The following RPAP3 variants were observed in gnomAD, a reference collection of about 807,000 sequenced individuals.
RPAP3 encodes RNA polymerase II associated protein 3.
In RPAP3, 58 loss-of-function variants were observed where a neutral mutation model predicts 88.8. The observed-to-expected ratio is 0.65, with a 90% CI of 0.53 to 0.81. The LOEUF (loss-of-function observed/expected upper bound fraction) is 0.81. Ranked by LOEUF, RPAP3 falls within the 40% of genes least tolerant of loss-of-function variation. RPAP3 has a pLI of 0.00. For missense variants in RPAP3, 751 were observed against 764.3 expected (o/e 0.98, Z 0.20); for synonymous variants, 255 against 259.9 (o/e 0.98, Z 0.18).
chr12:47,697,488 C>T, intron 4 of RPAP3, 109 bp downstream of exon 4: 1 of 1,031,308 alleles, frequency 9.7e-7, no homozygotes, highest in Non-Finnish European at 1.4e-6. Flanking sequence ...CCAAAAACAA[C>T]ATAAAGTTTA....
chr12:47,668,087 T>G (rs1175579233), intron 14 of RPAP3, among the ~76,000 whole-genome samples: 1 of 152,212 alleles, frequency 6.6e-6, no homozygotes, highest in African/African-American at 2.4e-5. Flanking sequence ...TCCCAGCTAC[T>G]CGGAGACTGA....
At chr12:47,690,398 A>T in intron 6 of RPAP3, 120 bp downstream of exon 6, 2 of 753,640 alleles carry the variant, frequency 2.7e-6, no homozygotes. Flanking sequence ...TGCAAAAATG[A>T]CCTTTGTTCA....
chr12:47,676,891 T>G (rs956983523), intron 12 of RPAP3, among the ~76,000 whole-genome samples: 1 of 152,196 alleles, frequency 6.6e-6, no homozygotes. Context: ...ACTCATTTTA[T>G]GAGGCCAGCA....
In RPAP3 at chr12:47,701,622, A is replaced by C. The variant is rs763992748; in HGVS notation, c.154-18T>G. The C allele has an allele frequency of 1.9e-6, 3 of 1,563,024 alleles. No homozygotes were observed. The Admixed American group carries it at 6.0e-5, about 31-fold the overall frequency. ...GGTAAATTCTAAGGAGGGAAAAAAA[A>C]ACACAAAGTTGTGAGTATTATGCTC... On this transcript the variant is annotated intron_variant, in intron 2 of 16. Transcript: ENST00000005386.
Position 47,666,981 on chromosome 12 carries a change from CT to C in RPAP3, c.1910del (p.Lys637ArgfsTer10). On this transcript the variant is annotated frameshift_variant and splice_region_variant, in exon 16 of 17. Transcript: ENST00000005386. LOFTEE classifies it high-confidence loss of function. ...TGGGAAAACTTTCATAGAACTTACTCTTTTTCTCTGTTTCTGACATAAACAT... is the reference window on the plus strand; with the variant it reads ...TGGGAAAACTTTCATAGAACTTACTCTTTTCTCTGTTTCTGACATAAACAT... Reference protein sequence around the residue: ...AVMFMSETEKKIARALFNHID... With the variant: ...AVMFMSETEKXIARALFNHID... 1 of 1,498,482 alleles carries C rather than the reference CT, an allele frequency of 6.7e-7. No individual in the cohort carries two copies. The highest frequency in any genetic ancestry group is 8.9e-7 in the Non-Finnish European group (1 of 1,118,416). The allele number at this position is 1,498,482 out of a possible 1,614,324, so 92.8% of individuals were successfully genotyped here.
At chr12:47,699,094 A>G (rs1277211252) in intron 3 of RPAP3, among the ~76,000 whole-genome samples, 1 of 152,194 alleles carries the variant, frequency 6.6e-6, no homozygotes, top group Non-Finnish European at 1.5e-5. Context: ...GCAGCAGAAC[A>G]CTAAAGCAGC....
chr12:47,691,582 T>C (rs1308193625), intron 5 of RPAP3, among the ~76,000 whole-genome samples: 1 of 152,222 alleles, frequency 6.6e-6, no homozygotes, highest in African/African-American at 2.4e-5. Context: ...AATGTATTTC[T>C]TAAATAACAA....
chr12:47,683,345 C>G (rs1189537393), intron 9 of RPAP3, among the ~76,000 whole-genome samples: 1 of 152,154 alleles, frequency 6.6e-6, no homozygotes, highest in Non-Finnish European at 1.5e-5. Flanking sequence ...TATTTGTATA[C>G]TTAATACCTT....
chr12:47,673,281 A>G (rs1294354827), intron 12 of RPAP3, among the ~76,000 whole-genome samples: 2 of 151,904 alleles, frequency 1.3e-5, no homozygotes, highest in African/African-American at 2.4e-5. Context: ...TGTCTCTACT[A>G]AAAATACAAA....
chr12:47,680,968 C>T (rs951867044), intron 10 of RPAP3, among the ~76,000 whole-genome samples: 66 of 141,182 alleles, frequency 4.7e-4, no homozygotes, highest in African/African-American at 1.7e-3. Flanking sequence ...AACAAAAAAA[C>T]GAAACAAAAA....
chr12:47,673,365 C>A (rs978903081), intron 12 of RPAP3, among the ~76,000 whole-genome samples: 2 of 149,880 alleles, frequency 1.3e-5, no homozygotes, highest in African/African-American at 4.9e-5. Context: ...ATCACTTGAA[C>A]CCAGAAGTCA....
chr12:47,698,286 C>G (rs1469397498), intron 3 of RPAP3, among the ~76,000 whole-genome samples: 1 of 151,574 alleles, frequency 6.6e-6, no homozygotes, highest in East Asian at 1.9e-4. Context: ...AGTAAGTGAC[C>G]AAGTCTACTT....
chr12:47,686,150 A>C lies in RPAP3; in HGVS notation c.992+630T>G, dbSNP rs146142851. Among the ~76,000 whole-genome samples the C allele has an allele frequency of 1.7e-3, 261 of 152,336 alleles. 1 individual carries two copies. Among genetic ancestry groups the C allele is most frequent in the African/African-American group, 6.2e-3 (257 of 41,584 alleles). ...TTCTGGCATTAGTCTGTAAAGTATA[A>C]CAAGAGAAACAAAGTCTAAGTCTAA... On this transcript the variant is annotated intron_variant, in intron 9 of 16. Coordinates refer to ENST00000005386, the MANE Select transcript of RPAP3 (RefSeq NM_024604.3).
chr12:47,694,719 A>G (rs1939490202), intron 5 of RPAP3, among the ~76,000 whole-genome samples: 1 of 152,162 alleles, frequency 6.6e-6, no homozygotes, highest in Admixed American at 6.5e-5. Context: ...GAAAAAAACA[A>G]AAATGGAAAA....
Position 47,687,948 on chromosome 12 carries a change from C to T in RPAP3, c.792G>A (p.Lys264=). ...TTTGCTTTCGCTCTCCTTCTGTTGA[C>T]TTAATCACTATGTCAGCTTCCTTTG... is the stretch of plus-strand genomic sequence containing the variant. ...SYPKEADIVI[K]STEGERKQIE... is the part of the protein sequence containing the mutation. The change falls in exon 8 of 17, where the codon AAG becomes AAA. Residue 264 remains lysine, a synonymous_variant. Transcript: ENST00000005386. 5 of 1,613,636 alleles carry T rather than the reference C, an allele frequency of 3.1e-6. No individual in the cohort carries two copies. Among genetic ancestry groups the T allele is most frequent in the Non-Finnish European group, 4.2e-6 (5 of 1,179,732 alleles).
At chr12:47,673,712 T>C (rs978926299) in intron 12 of RPAP3, among the ~76,000 whole-genome samples, 6 of 151,948 alleles carry the variant, frequency 3.9e-5, no homozygotes, top group African/African-American at 1.4e-4. Context: ...CAGTCAGGGG[T>C]ACATAGAGAG....
At chr12:47,675,873 C>G (rs777163087) in intron 12 of RPAP3, among the ~76,000 whole-genome samples, 12 of 152,192 alleles carry the variant, frequency 7.9e-5, no homozygotes, top group Non-Finnish European at 1.5e-4. Flanking sequence ...AGGACCTGAA[C>G]TCAGCTCTGC....
chr12:47,701,866 C>A (rs1378464104), intron 2 of RPAP3, among the ~76,000 whole-genome samples: 1 of 152,154 alleles, frequency 6.6e-6, no homozygotes, highest in Non-Finnish European at 1.5e-5. Context: ...AATTTGCAAT[C>A]CTAAATTCAA....
rs2136598970 is a variant in RPAP3, at chr12:47,662,572, A to T, written c.*933T>A. On this transcript the variant is annotated 3_prime_UTR_variant, in exon 17 of 17. Transcript: ENST00000005386. ...TTTTTAACAACTTGATAGTCTCTAA[A>T]ATTAACTGGTTTTACCAGTGCTTAC... The T allele has an allele frequency of 6.6e-6, 1 of 152,274 alleles. No homozygotes were observed. Among genetic ancestry groups the T allele is most frequent in the East Asian group, 1.9e-4 (1 of 5,188 alleles). The allele number at this position is 152,274 out of a possible 1,614,324, so 9.4% of individuals were successfully genotyped here. A position where few individuals can be genotyped will look rare whatever the true frequency, so the allele number is the denominator to read the frequency against.
Sources: allele counts gnomAD v4.1 joint callset (sites outside exome capture counted in the v4.1 genomes callset), GRCh38; gene constraint gnomAD v4.1.1; transcripts MANE v1.5; gene names NCBI Gene and HGNC (gene_info 2026-07-23, HGNC 2026-07-21).